SMC1A: variants seen among roughly 807,000 people sequenced by gnomAD.
The protein encoded by SMC1A is structural maintenance of chromosomes protein 1A.
A neutral mutation model predicts 94.5 loss-of-function variants in SMC1A; 4 were observed. That is an observed-to-expected ratio of 0.04 (90% CI 0.02 to 0.10). The LOEUF is 0.10. SMC1A is among the 10% of genes least tolerant of loss of function. The probability of loss-of-function intolerance (pLI) is 1.00; values close to 1 mark genes in which losing one functional copy is unlikely to be tolerated. For synonymous variants in SMC1A, 345 were observed against 347.7 expected (o/e 0.99, Z 0.09); for missense variants, 304 against 989.0 (o/e 0.31, Z 9.29).
intron 1 of SMC1A, chrX:53,422,158 A>T (rs1286974832): frequency 6.0e-6 from 5 of 839,132 alleles, no homozygotes; most frequent in Non-Finnish European, 8.3e-6. Context: ...TCCGGCGGGG[A>T]GCCGCGCGGC....
At chrX:53,383,395 C>T (rs112887185) in intron 19 of SMC1A, 142 bp from the exon 20 acceptor site, 13 of 529,714 alleles carry the variant, frequency 2.5e-5, no homozygotes, top group African/African-American at 9.2e-5. Flanking sequence ...CGGTTCCTTC[C>T]ACCAGATCCT....
Position 53,414,799 on chromosome X carries a change from A to G in SMC1A, c.370T>C (p.Leu124=), listed in dbSNP as rs2075725950. ...LHEYSEELEK[L]GILIKARNFL... is the part of the protein sequence containing the mutation. ...TTACGAGCTTTGATGAGAATGCCCAACTTCTCTAATTCCTCACTGTACTCA... is the reference window on the plus strand; with the variant it reads ...TTACGAGCTTTGATGAGAATGCCCAGCTTCTCTAATTCCTCACTGTACTCA... Residue 124 remains leucine (L), a synonymous_variant, in exon 3 of 25, where the codon TTG becomes CTG. Transcript: ENST00000322213. 3 of 1,207,528 alleles carry G rather than the reference A, an allele frequency of 2.5e-6. No homozygotes were observed. Among genetic ancestry groups the G allele is most frequent in the African/African-American group, 3.5e-5 (2 of 57,094 alleles).
Position 53,376,765 on chromosome X carries a change from C to G in SMC1A, c.*3338G>C, listed in dbSNP as rs1439185076. On this transcript the variant is annotated 3_prime_UTR_variant, in exon 25 of 25. Transcript: ENST00000322213. The stretch of plus-strand genomic sequence containing the variant: ...ACATAAGCTAGATGTTTTTCCTGTG[C>G]TCCTGTCAGTGTTGATCACACTGTA... 1.8e-5 allele frequency: 2 copies of G among 111,284 alleles called. No individual in the cohort carries two copies. Among genetic ancestry groups the G allele is most frequent in the African/African-American group, 6.5e-5 (2 of 30,594 alleles). 9.2% of individuals were successfully genotyped at this position (111,284 alleles called of 1,213,427 possible).
At position 53,380,066 on chromosome X, in the gene SMC1A, T is replaced by C; in HGVS notation, c.*37A>G. The C allele has an allele frequency of 1.0e-6, 1 of 981,827 alleles. No individual in the cohort carries two copies. Among genetic ancestry groups the C allele is most frequent in the Non-Finnish European group, 1.5e-6 (1 of 687,560 alleles). 80.9% of individuals were successfully genotyped at this position (981,827 alleles called of 1,213,427 possible). A position where few individuals can be genotyped will look rare whatever the true frequency, so the allele number is the denominator to read the frequency against. ...ATCCAGAGATTGGGAGAGGGACAGC[T>C]TAGGGATCCAGACAGGGCGGGAGGG... On this transcript the variant is annotated 3_prime_UTR_variant, in exon 25 of 25. Coordinates refer to ENST00000322213, the MANE Select transcript of SMC1A (RefSeq NM_006306.4).
intron 9 of SMC1A, among the ~76,000 whole-genome samples, chrX:53,407,355 C>A (rs1556889883): frequency 8.9e-6 from 1 of 112,049 alleles, no homozygotes; most frequent in African/African-American, 3.2e-5. Context: ...ATAATGAAGC[C>A]CCTGTGTGGG....
At chrX:53,407,742 T>C (rs979638793) in intron 9 of SMC1A, among the ~76,000 whole-genome samples, 4 of 111,246 alleles carry the variant, frequency 3.6e-5, no homozygotes, top group South Asian at 7.6e-4. Context: ...TGCTGGAGAA[T>C]TGCTTGGTGT....
intron 19 of SMC1A, 61 bp from the exon 20 acceptor site, chrX:53,383,314 C>T (rs1214861964): frequency 9.2e-7 from 1 of 1,087,374 alleles, no homozygotes; most frequent in Non-Finnish European, 1.2e-6. Context: ...AGGCCCCCAC[C>T]GAAAGATGAC....
In SMC1A at chrX:53,386,035, C is replaced by T. The variant is rs185556039; in HGVS notation, c.2974-2782G>A. On this transcript the variant is annotated intron_variant, in intron 19 of 24. Transcript: ENST00000322213. Reference sequence around the variant, plus strand: ...TCAGTATCACTAATAGTGGGTACATCCTGACATGATGTACCTCCTGGAGGG... The same window carrying T: ...TCAGTATCACTAATAGTGGGTACATTCTGACATGATGTACCTCCTGGAGGG... 9.1e-3 allele frequency among the ~76,000 whole-genome samples: 1,016 copies of T among 111,682 alleles called. 4 individuals are homozygous for T. Among genetic ancestry groups the T allele is most frequent in the Non-Finnish European group, 0.014 (758 of 53,094 alleles).
chrX:53,419,978 C>T (rs892646263), intron 1 of SMC1A, among the ~76,000 whole-genome samples: 2 of 110,677 alleles, frequency 1.8e-5, no homozygotes, highest in Admixed American at 9.7e-5. Context: ...ACCAACAGAC[C>T]AGGTTCTAAT....
chrX:53,391,766 T>G (rs1261314108), intron 19 of SMC1A, among the ~76,000 whole-genome samples: 2 of 111,868 alleles, frequency 1.8e-5, no homozygotes. Flanking sequence ...ATTACAGGCA[T>G]GAGTCACCAC....
intron 16 of SMC1A, among the ~76,000 whole-genome samples, 157 bp from the exon 17 acceptor site, chrX:53,396,774 T>C (rs1374190119): frequency 9.0e-6 from 1 of 111,629 alleles, no homozygotes; most frequent in Non-Finnish European, 1.9e-5. Flanking sequence ...GCCTCCTATC[T>C]TTTTAAAATT....
rs2075557628 is a variant in SMC1A at position 53,375,702 on chromosome X, T to C, written c.*4401A>G. The C allele has an allele frequency of 2.7e-5, 3 of 111,601 alleles. No homozygotes were observed. Among genetic ancestry groups the C allele is most frequent in the Admixed American group, 1.9e-4 (2 of 10,535 alleles). 9.2% of individuals were successfully genotyped at this position (111,601 alleles called of 1,213,427 possible). A position where few individuals can be genotyped will look rare whatever the true frequency, so the allele number is the denominator to read the frequency against. ...AACTAACTTGAGGAATTCCAGTTGC[T>C]GAGGAGGATGTAAGCAGATTGTTTC... On this transcript the variant is annotated 3_prime_UTR_variant, in exon 25 of 25. Transcript: ENST00000322213.
chrX:53,419,207 C>A (rs2075744578), intron 1 of SMC1A, among the ~76,000 whole-genome samples: 1 of 109,892 alleles, frequency 9.1e-6, no homozygotes, highest in South Asian at 3.9e-4. Context: ...AAACAGCAGC[C>A]CAAGTCCTTC....
At chrX:53,394,116 C>T (rs1421061789) in intron 19 of SMC1A, among the ~76,000 whole-genome samples, 2 of 95,762 alleles carry the variant, frequency 2.1e-5, no homozygotes, top group Non-Finnish European at 4.1e-5. Flanking sequence ...CATGCCACTG[C>T]ACTCCAGCCT....
Position 53,421,787 on chromosome X carries a change from C to G in SMC1A, c.109+705G>C, listed in dbSNP as rs781889080. ...TCTCCGCTGTTTCCACAACTTGCAA[C>G]TGAATAACTCCTGATAAACAATAAG... On this transcript the variant is annotated intron_variant, in intron 1 of 24. Transcript: ENST00000322213. 3.4e-6 allele frequency: 3 copies of G among 878,455 alleles called. No individual in the cohort carries two copies. In the African/African-American group the frequency reaches 6.1e-5, roughly 18 times the overall value. The allele number at this position is 878,455 out of a possible 1,213,427, so 72.4% of individuals were successfully genotyped here.
rs1249575003 is a variant in SMC1A, at chrX:53,379,817, C to T, written c.*286G>A. 1 of 407,582 alleles carries T rather than the reference C, an allele frequency of 2.5e-6. No individual in the cohort carries two copies. The highest frequency in any genetic ancestry group is 4.0e-5 in the East Asian group (1 of 24,845). 33.6% of individuals were successfully genotyped at this position (407,582 alleles called of 1,213,427 possible). On this transcript the variant is annotated 3_prime_UTR_variant, in exon 25 of 25. Coordinates refer to ENST00000322213, the MANE Select transcript of SMC1A (RefSeq NM_006306.4). ...GTGGGCAAGAGGCCCAAGGGGCCCA[C>T]GATTATGGGTGATGAGGGGGAGGAA... is the stretch of plus-strand genomic sequence containing the variant.
chrX:53,412,845 A>G (rs2075718162), intron 5 of SMC1A, 55 bp downstream of exon 5: 1 of 1,210,109 alleles, frequency 8.3e-7, no homozygotes, highest in Admixed American at 2.2e-5. Flanking sequence ...GAACCCTAAT[A>G]AACAGCACGG....
chrX:53,382,271 T>C lies in SMC1A; in HGVS notation c.3398A>G (p.Lys1133Arg). ...GAGCAGGGCCAGAGCTGCCACTGTCTTCTCCCCGCCTGACAAGTTGTCCAT... is the reference window on the plus strand; with the variant it reads ...GAGCAGGGCCAGAGCTGCCACTGTCCTCTCCCCGCCTGACAAGTTGTCCAT... ...RPMDNLSGGE[K>R]TVAALALLFA... The change falls in exon 22 of 25, where the codon AAG becomes AGG. Residue 1133 changes from lysine to arginine, a missense_variant. Physicochemically the swap from Lys to Arg is conservative, Grantham distance 26 (BLOSUM62 2). Coordinates refer to ENST00000322213, the MANE Select transcript of SMC1A (RefSeq NM_006306.4). 8.3e-7 allele frequency: 1 copy of C among 1,211,805 alleles called. No homozygotes were observed.
intron 16 of SMC1A, among the ~76,000 whole-genome samples, chrX:53,397,052 TTTG>T (rs1395112173): frequency 1.3e-4 from 14 of 108,680 alleles, no homozygotes; most frequent in Admixed American, 3.9e-4. Context: ...TATGGTAACA[TTTG>T]TTGTTGTTGT....
Sources: allele counts gnomAD v4.1 joint callset (sites outside exome capture counted in the v4.1 genomes callset), GRCh38; gene constraint gnomAD v4.1.1; transcripts MANE v1.5; gene names NCBI Gene and HGNC (gene_info 2026-07-23, HGNC 2026-07-21).